Variants in CCDC146 observed in about 807,000 individuals in gnomAD.
CCDC146 encodes coiled-coil domain-containing protein 146.
In CCDC146, 92 loss-of-function variants were observed where a neutral mutation model predicts 119.3. The ratio of observed to expected loss-of-function variants is 0.77; its 90% CI spans 0.65 to 0.92. CCDC146 has a LOEUF of 0.92. Among genes scored for constraint, CCDC146 ranks in the 40% least tolerant of loss-of-function variants. The pLI, the probability that CCDC146 is intolerant of heterozygous loss-of-function variation, is 0.00. For synonymous variants in CCDC146, 372 were observed against 371.8 expected (o/e 1.00, Z -0.01); for missense variants, 1,000 against 1,103.0 (o/e 0.91, Z 1.32).
chr7:77,250,853 G>T (rs1170398322), intron 4 of CCDC146, among the ~76,000 whole-genome samples: 6 of 139,858 alleles, frequency 4.3e-5, no homozygotes, highest in African/African-American at 1.0e-4. Context: ...TTCCAGTTTG[G>T]GTAGTGTCTA....
At chr7:77,226,001 A>G (rs1792505995) in intron 2 of CCDC146, among the ~76,000 whole-genome samples, 1 of 152,168 alleles carries the variant, frequency 6.6e-6, no homozygotes, top group Non-Finnish European at 1.5e-5. Context: ...TGATGACTCA[A>G]TGCCTAGGAA....
At position 77,262,375 on chromosome 7, in the gene CCDC146, G is replaced by A. The variant is rs946195894; in HGVS notation, c.1173+68G>A. ...AACTTTTGAAGTAAAAATATTTTAGGAAGTTGTTTTTGCTGCCAGTAGAGA... is the reference window on the plus strand; with the variant it reads ...AACTTTTGAAGTAAAAATATTTTAGAAAGTTGTTTTTGCTGCCAGTAGAGA... On this transcript the variant is annotated intron_variant, in intron 9 of 18. Coordinates refer to ENST00000285871, the MANE Select transcript of CCDC146 (RefSeq NM_020879.3). 3.0e-6 allele frequency: 4 copies of A among 1,353,262 alleles called. No individual in the cohort carries two copies. The African/African-American group carries it at 5.9e-5, about 20-fold the overall frequency. 83.8% of individuals were successfully genotyped at this position (1,353,262 alleles called of 1,614,324 possible).
intron 1 of CCDC146, among the ~76,000 whole-genome samples, chr7:77,149,141 T>C (rs1791069528): frequency 6.6e-6 from 1 of 151,964 alleles, no homozygotes; most frequent in South Asian, 2.1e-4. Context: ...TATAGACCAA[T>C]GGAAGAGAAC....
intron 9 of CCDC146, among the ~76,000 whole-genome samples, chr7:77,265,023 A>G (rs922560703): frequency 2.6e-5 from 4 of 152,214 alleles, no homozygotes; most frequent in African/African-American, 9.6e-5. Flanking sequence ...GCCCTCAAAC[A>G]TATTTTCACT....
chr7:77,199,559 A>G (rs1791944578), intron 2 of CCDC146: 2 of 1,614,038 alleles, frequency 1.2e-6, no homozygotes, highest in Non-Finnish European at 1.7e-6. Context: ...ACTTCTTTGA[A>G]CACCTCCTCG....
intron 2 of CCDC146, among the ~76,000 whole-genome samples, chr7:77,187,318 G>A (rs1249953998): frequency 1.3e-5 from 2 of 152,194 alleles, no homozygotes; most frequent in East Asian, 3.9e-4. Context: ...AACCTGGTCT[G>A]TTCTAGGAGC....
chr7:77,282,526 ACTTAGC>A (rs1336431483), intron 14 of CCDC146, 25 bp from the exon 15 acceptor site: 1 of 1,515,574 alleles, frequency 6.6e-7, no homozygotes, highest in Admixed American at 1.9e-5. Context: ...CTCAATGCCC[ACTTAGC>A]CTCTGCCTCT....
intron 2 of CCDC146, among the ~76,000 whole-genome samples, chr7:77,174,146 A>T (rs543821825): frequency 6.6e-6 from 1 of 152,226 alleles, no homozygotes; most frequent in Admixed American, 6.5e-5. Flanking sequence ...CTTCCTGAAC[A>T]TCATTTAAAT....
chr7:77,212,376 C>G (rs560387011), intron 2 of CCDC146, among the ~76,000 whole-genome samples: 1 of 152,118 alleles, frequency 6.6e-6, no homozygotes, highest in South Asian at 2.1e-4. Context: ...AATCCCAGCA[C>G]TTTAGGAGGC....
rs545747844 is a variant in CCDC146 at position 77,170,768 on chromosome 7, C to T, written c.156+2944C>T. Among the ~76,000 whole-genome samples, 116 of 152,238 alleles carry T rather than the reference C, an allele frequency of 7.6e-4. 1 individual carries two copies. Among genetic ancestry groups the T allele is most frequent in the African/African-American group, 2.7e-3 (111 of 41,530 alleles). On this transcript the variant is annotated intron_variant, in intron 2 of 18. Transcript: ENST00000285871. ...AAAATAGGCAAAGGACACTAACAGA[C>T]GTTTCTCAAAAGAAGACATACATGT...
At chr7:77,160,734 C>T (rs1293696230) in intron 1 of CCDC146, among the ~76,000 whole-genome samples, 1 of 151,994 alleles carries the variant, frequency 6.6e-6, no homozygotes, top group Non-Finnish European at 1.5e-5. Context: ...ATTTGACTTC[C>T]TCTTTTCCTA....
At chr7:77,236,782 A>C (rs1192929079) in intron 2 of CCDC146, among the ~76,000 whole-genome samples, 165 bp from the exon 3 acceptor site, 1 of 152,210 alleles carries the variant, frequency 6.6e-6, no homozygotes, top group African/African-American at 2.4e-5. Context: ...TAGAACTAGC[A>C]CTATTTTCTC....
chr7:77,276,205 C>A (rs1309036398), intron 11 of CCDC146, among the ~76,000 whole-genome samples: 327 of 126,612 alleles, frequency 2.6e-3, no homozygotes, highest in Middle Eastern at 4.1e-3. Flanking sequence ...GACTTCCTCT[C>A]AAAAATAAAA....
intron 3 of CCDC146, among the ~76,000 whole-genome samples, chr7:77,239,429 TG>T (rs760115156): frequency 2.6e-5 from 4 of 152,254 alleles, no homozygotes; most frequent in Non-Finnish European, 4.4e-5. Flanking sequence ...GAACGTGTTA[TG>T]TCCCAGTAAA....
At chr7:77,198,972 G>A in intron 2 of CCDC146, 1 of 554,172 alleles carries the variant, frequency 1.8e-6, no homozygotes, top group Non-Finnish European at 3.1e-6. Flanking sequence ...GTGACTTCCA[G>A]TGGATACAGA....
intron 9 of CCDC146, among the ~76,000 whole-genome samples, chr7:77,266,041 A>G (rs971614435): frequency 1.3e-5 from 2 of 152,216 alleles, no homozygotes; most frequent in Non-Finnish European, 1.5e-5. Flanking sequence ...GCATTTAAAC[A>G]TGGCTCTTAT....
At chr7:77,235,210 A>G (rs994308469) in intron 2 of CCDC146, among the ~76,000 whole-genome samples, 1 of 152,198 alleles carries the variant, frequency 6.6e-6, no homozygotes, top group Non-Finnish European at 1.5e-5. Context: ...TAGGTCTTAT[A>G]TACTAGCTGG....
intron 2 of CCDC146, among the ~76,000 whole-genome samples, chr7:77,175,321 A>T (rs1170544402): frequency 6.7e-6 from 1 of 150,052 alleles, no homozygotes; most frequent in Non-Finnish European, 1.5e-5. Context: ...AATCATTGTT[A>T]AGTAAGTCTT....
intron 1 of CCDC146, among the ~76,000 whole-genome samples, chr7:77,166,076 A>C (rs868777507): frequency 2.0e-5 from 3 of 152,256 alleles, no homozygotes; most frequent in African/African-American, 7.2e-5. Flanking sequence ...TTGAACATAC[A>C]ACAATAGAAT....
Sources: gnomAD v4.1 joint callset for allele counts (sites outside exome capture counted in the v4.1 genomes callset) on GRCh38, gnomAD v4.1.1 for gene constraint, MANE v1.5 for transcripts, NCBI Gene and HGNC (gene_info 2026-07-23, HGNC 2026-07-21) for gene names.